The following CMIP variants were observed in gnomAD, a reference collection of about 807,000 sequenced individuals.
CMIP encodes C-Maf-inducing protein.
CMIP carries 13 observed loss-of-function variants against 97.3 expected under a neutral mutation model. That is an observed-to-expected ratio of 0.13 (90% CI 0.09 to 0.21). CMIP has a LOEUF of 0.21. CMIP is among the 10% of genes least tolerant of loss of function. The pLI is 1.00. For synonymous variants in CMIP, 538 were observed against 436.3 expected, an observed-to-expected ratio of 1.23 and a Z score of -2.91; for missense variants, 847 against 1,024.9, an observed-to-expected ratio of 0.83 and a Z score of 2.37.
chr16:81,596,337 C>G (rs1452819993), intron 1 of CMIP, among the ~76,000 whole-genome samples: 2 of 152,018 alleles, frequency 1.3e-5, no homozygotes, highest in African/African-American at 4.8e-5. Flanking sequence ...GAAACCCCAT[C>G]TCTACTAAAA....
intron 1 of CMIP, chr16:81,464,692 C>G (rs909697541): frequency 6.6e-6 from 1 of 152,184 alleles, no homozygotes; most frequent in African/African-American, 2.4e-5. Flanking sequence ...TTTCATCATC[C>G]CCAGCACAAA....
chr16:81,651,674 G>C (rs1245241445), intron 3 of CMIP, among the ~76,000 whole-genome samples: 1 of 152,188 alleles, frequency 6.6e-6, no homozygotes, highest in Non-Finnish European at 1.5e-5. Flanking sequence ...TACTGCGCTT[G>C]AATCCTTGGG....
intron 1 of CMIP, among the ~76,000 whole-genome samples, chr16:81,536,004 C>G (rs1320767946): frequency 6.6e-6 from 1 of 152,186 alleles, no homozygotes; most frequent in Non-Finnish European, 1.5e-5. Context: ...GACAAGGGAC[C>G]TCTTGTCTGC....
At chr16:81,449,430 A>T (rs1906068032) in intron 1 of CMIP, among the ~76,000 whole-genome samples, 1 of 152,210 alleles carries the variant, frequency 6.6e-6, no homozygotes, top group East Asian at 1.9e-4. Context: ...GGCTTACTGC[A>T]TGCCTACTGT....
intron 3 of CMIP, among the ~76,000 whole-genome samples, chr16:81,645,134 T>G (rs936448337): frequency 6.6e-6 from 1 of 152,258 alleles, no homozygotes; most frequent in Non-Finnish European, 1.5e-5. Flanking sequence ...GTAGTTGTAT[T>G]TCATTTTAAT....
At chr16:81,610,716 C>T (rs1320054365) in intron 2 of CMIP, among the ~76,000 whole-genome samples, 5 of 152,082 alleles carry the variant, frequency 3.3e-5, no homozygotes, top group Non-Finnish European at 5.9e-5. Context: ...ACAGGGCTAG[C>T]GAGTCTGTGT....
intron 3 of CMIP, among the ~76,000 whole-genome samples, chr16:81,639,657 A>G (rs2092280294): frequency 6.6e-6 from 1 of 152,152 alleles, no homozygotes; most frequent in South Asian, 2.1e-4. Flanking sequence ...CCATTGGTGG[A>G]CCTGGGTTGC....
At chr16:81,534,512 A>G (rs1313319002) in intron 1 of CMIP, among the ~76,000 whole-genome samples, 4 of 152,002 alleles carry the variant, frequency 2.6e-5, no homozygotes. Flanking sequence ...TGTTTGAGGT[A>G]TTTATTGATA....
chr16:81,610,679 G>T, intron 2 of CMIP: 1 of 301,718 alleles, frequency 3.3e-6, no homozygotes, highest in Non-Finnish European at 4.9e-6. Context: ...TGATGCATGG[G>T]TGGTATGTAG....
rs2092538700 is a variant in CMIP at position 81,660,937 on chromosome 16, C to A, written c.735C>A (p.Phe245Leu). ...NNHPPPDLCE[F>L]FCKHCRERPR... is the part of the protein sequence containing the mutation. The stretch of plus-strand genomic sequence containing the variant: ...ACCCACCACCAGATCTCTGTGAATT[C>A]TTTTGCAAGGTACGGGATTGCTGAG... The change falls in exon 6 of 21, where the codon TTC becomes TTA. Residue 245 changes from phenylalanine to leucine, a missense_variant. This residue lies in a region of CMIP where 285 missense variants were observed against 392.2 expected (regional missense o/e 0.73). Coordinates refer to ENST00000537098, the MANE Select transcript of CMIP (RefSeq NM_198390.3). The A allele has an allele frequency of 1.2e-6, 2 of 1,613,990 alleles. No individual in the cohort carries two copies. Among genetic ancestry groups the A allele is most frequent in the Non-Finnish European group, 1.7e-6 (2 of 1,179,896 alleles).
intron 1 of CMIP, among the ~76,000 whole-genome samples, chr16:81,516,180 C>T (rs2089909833): frequency 6.6e-6 from 1 of 152,146 alleles, no homozygotes; most frequent in East Asian, 1.9e-4. Context: ...CCTGGTTGGA[C>T]TCTGACTGAT....
At chr16:81,705,205 A>T (rs1431003766) in intron 18 of CMIP, among the ~76,000 whole-genome samples, 1 of 152,220 alleles carries the variant, frequency 6.6e-6, no homozygotes, top group South Asian at 2.1e-4. Flanking sequence ...CCTAGGCAGC[A>T]TCTCGAAGCT....
At chr16:81,620,187 G>A (rs2091974278) in intron 2 of CMIP, 1 of 152,178 alleles carries the variant, frequency 6.6e-6, no homozygotes, top group African/African-American at 2.4e-5. Context: ...GATGTCCAAA[G>A]ACTCACAGCT....
At chr16:81,528,203 A>G (rs1362356375) in intron 1 of CMIP, among the ~76,000 whole-genome samples, 1 of 152,196 alleles carries the variant, frequency 6.6e-6, no homozygotes, top group African/African-American at 2.4e-5. Context: ...CTTCACATTC[A>G]TGACAACTTC....
intron 1 of CMIP, among the ~76,000 whole-genome samples, chr16:81,563,825 G>C (rs993861190): frequency 9.9e-5 from 15 of 152,214 alleles, no homozygotes; most frequent in African/African-American, 3.4e-4. Context: ...ATTCTGCTGA[G>C]GGAGGGTCAG....
At chr16:81,576,319 G>A (rs2091187955) in intron 1 of CMIP, among the ~76,000 whole-genome samples, 1 of 152,062 alleles carries the variant, frequency 6.6e-6, no homozygotes, top group Admixed American at 6.5e-5. Context: ...GAGGAGAATC[G>A]CTTGAACCCG....
intron 2 of CMIP, among the ~76,000 whole-genome samples, chr16:81,613,278 A>G (rs1597147183): frequency 2.0e-5 from 3 of 152,268 alleles, no homozygotes; most frequent in Admixed American, 2.0e-4. Context: ...ACCATGGAGA[A>G]ATAATGCTCA....
At chr16:81,579,141 T>C (rs73596498) in intron 1 of CMIP, among the ~76,000 whole-genome samples, 10,224 of 152,196 alleles carry the variant, frequency 0.067, 701 homozygotes, top group African/African-American at 0.17. Context: ...TGCAGGGACA[T>C]GGGGATGGCA....
At chr16:81,667,720 C>G (rs2092619122) in intron 7 of CMIP, among the ~76,000 whole-genome samples, 1 of 129,004 alleles carries the variant, frequency 7.8e-6, no homozygotes, top group African/African-American at 3.0e-5. Flanking sequence ...ACTTGTGAGG[C>G]AGAGGCCTCA....
Sources: gnomAD v4.1 joint callset for allele counts (sites outside exome capture counted in the v4.1 genomes callset) on GRCh38, gnomAD v4.1.1 for gene constraint, gnomAD v4.1.1 regional missense constraint, MANE v1.5 for transcripts, NCBI Gene and HGNC (gene_info 2026-07-23, HGNC 2026-07-21) for gene names.